The following DTHD1 variants were observed in gnomAD, a reference collection of about 807,000 sequenced individuals.
DTHD1 encodes the protein death domain-containing protein 1.
In DTHD1, 59 loss-of-function variants were observed where a neutral mutation model predicts 74.8. The observed-to-expected ratio is 0.79, with a 90% CI of 0.64 to 0.98. The LOEUF is 0.98. Among genes scored for constraint, DTHD1 ranks in the 50% least tolerant of loss-of-function variants. The pLI is 0.00. For missense variants in DTHD1, 1,051 were observed against 1,065.4 expected (o/e 0.99, Z 0.19); for synonymous variants, 365 against 371.1 (o/e 0.98, Z 0.19).
At chr4:36,283,793 C>T in intron 1 of DTHD1, 183 bp from the exon 2 acceptor site, 1 of 581,474 alleles carries the variant, frequency 1.7e-6, no homozygotes, top group East Asian at 2.8e-5. Context: ...GTCAATCCTA[C>T]AATTGTTAAA....
chr4:36,317,821 T>G (rs1352498263), intron 8 of DTHD1, among the ~76,000 whole-genome samples: 1 of 152,220 alleles, frequency 6.6e-6, no homozygotes, highest in Non-Finnish European at 1.5e-5. Flanking sequence ...GGGAAATGGC[T>G]TTTTTATAAT....
chr4:36,287,702 T>C (rs1755793786), intron 2 of DTHD1, among the ~76,000 whole-genome samples: 1 of 152,234 alleles, frequency 6.6e-6, no homozygotes, highest in Non-Finnish European at 1.5e-5. Flanking sequence ...TGGTATTGCA[T>C]AGTGATTTTG....
rs111371105 is a variant in DTHD1, at chr4:36,344,691, T to C, written c.*867T>C. Reference sequence around the variant, plus strand: ...AATTCCAAAAGAGAGGAGGGTATTATGGAGTCATGTCCAACCTCCCCTTCC... The same window carrying C: ...AATTCCAAAAGAGAGGAGGGTATTACGGAGTCATGTCCAACCTCCCCTTCC... On this transcript the variant is annotated 3_prime_UTR_variant, in exon 10 of 10. Coordinates refer to ENST00000639862, the MANE Select transcript of DTHD1 (RefSeq NM_001170700.3). 1.3e-5 allele frequency: 2 copies of C among 152,340 alleles called. No homozygotes were observed. The highest frequency in any genetic ancestry group is 2.1e-4 in the South Asian group (1 of 4,830). 9.4% of individuals were successfully genotyped at this position (152,340 alleles called of 1,614,324 possible).
intron 7 of DTHD1, among the ~76,000 whole-genome samples, chr4:36,309,840 AATG>A (rs1364073282): frequency 2.6e-5 from 4 of 152,164 alleles, no homozygotes; most frequent in African/African-American, 9.7e-5. Flanking sequence ...ATATCTAGAG[AATG>A]ATTTCAACAA....
chr4:36,297,165 G>T lies in DTHD1; in HGVS notation c.1643+2126G>T, dbSNP rs1756472335. Reference sequence around the variant, plus strand: ...CTGAGGAGGAGGAAGAGGAGGGGTTGGTCTTGCTGTCTCAGGAGTGGCAGA... The same window carrying T: ...CTGAGGAGGAGGAAGAGGAGGGGTTTGTCTTGCTGTCTCAGGAGTGGCAGA... On this transcript the variant is annotated intron_variant, in intron 5 of 9. Transcript: ENST00000639862. Among the ~76,000 whole-genome samples the T allele has an allele frequency of 2.0e-5, 3 of 152,160 alleles. No homozygotes were observed. In the South Asian group the frequency reaches 6.2e-4, roughly 32 times the overall value.
intron 5 of DTHD1, among the ~76,000 whole-genome samples, chr4:36,299,411 G>A (rs1395558873): frequency 6.6e-6 from 1 of 152,130 alleles, no homozygotes; most frequent in African/African-American, 2.4e-5. Context: ...ATAACTTTAT[G>A]GGTGATCTGC....
rs193294438 is a variant in DTHD1 at position 36,310,574 on chromosome 4, C to T, written c.2095+2081C>T. Among the ~76,000 whole-genome samples the T allele has an allele frequency of 4.0e-5, 6 of 151,788 alleles. No homozygotes were observed. In the East Asian group the frequency reaches 5.8e-4, roughly 15 times the overall value. ...ATACTTTACTTGAGGGGATGTGCTC[C>T]GTTTACTTATAAATTAATATGGATC... On this transcript the variant is annotated intron_variant, in intron 7 of 9. Transcript: ENST00000639862.
intron 9 of DTHD1, among the ~76,000 whole-genome samples, chr4:36,340,542 A>C (rs544411910): frequency 6.6e-6 from 1 of 152,332 alleles, no homozygotes; most frequent in Admixed American, 6.5e-5. Flanking sequence ...TGCTCAGCTG[A>C]GTGGCTGCAT....
intron 7 of DTHD1, among the ~76,000 whole-genome samples, chr4:36,312,689 G>A (rs904412970): frequency 3.9e-5 from 6 of 152,252 alleles, no homozygotes; most frequent in Admixed American, 1.3e-4. Context: ...GAACTCGGTG[G>A]CAACTTGCCT....
In DTHD1 at chr4:36,346,835, A is replaced by G. The variant is rs1560827586; in HGVS notation, c.*3011A>G. ...CTCTCAAGAAGGCCACCTCTAGCCA[A>G]CTCTCTCCTGTGCTTTGGTAACTGG... On this transcript the variant is annotated 3_prime_UTR_variant, in exon 10 of 10. Transcript: ENST00000639862. Among the ~76,000 whole-genome samples the G allele has an allele frequency of 1.3e-5, 2 of 151,198 alleles. No individual in the cohort carries two copies. The highest frequency in any genetic ancestry group is 4.9e-5 in the African/African-American group (2 of 41,078).
chr4:36,300,610 C>T (rs1412442093), intron 5 of DTHD1, among the ~76,000 whole-genome samples: 2 of 142,874 alleles, frequency 1.4e-5, no homozygotes, highest in Non-Finnish European at 3.1e-5. Flanking sequence ...GCACATTTAT[C>T]AAGATCTCGC....
chr4:36,342,654 C>CGT (rs776186233), intron 9 of DTHD1, among the ~76,000 whole-genome samples: 6 of 151,464 alleles, frequency 4.0e-5, no homozygotes, highest in Non-Finnish European at 7.4e-5. Flanking sequence ...TGTATGTCTG[C>CGT]GTGTGTGTGT....
chr4:36,310,059 C>CT (rs1307931704), intron 7 of DTHD1, among the ~76,000 whole-genome samples: 1 of 152,168 alleles, frequency 6.6e-6, no homozygotes, highest in Non-Finnish European at 1.5e-5. Context: ...GCATGGTATT[C>CT]CATGGTGTAT....
At position 36,347,411 on chromosome 4, in the gene DTHD1, G is replaced by A. The variant is rs1224472839; in HGVS notation, c.*3587G>A. 3.3e-5 allele frequency among the ~76,000 whole-genome samples: 5 copies of A among 152,040 alleles called. No homozygotes were observed. The highest frequency in any genetic ancestry group is 2.6e-4 in the Admixed American group (4 of 15,270). ...TTAAAATTTTCATATCAATTAGACT[G>A]TAGTCCCAATATATACCTAAGAGCA... On this transcript the variant is annotated 3_prime_UTR_variant, in exon 10 of 10. Transcript: ENST00000639862.
rs183259980 is a variant in DTHD1 at position 36,329,535 on chromosome 4, C to G, written c.2341-9577C>G. 5.9e-5 allele frequency among the ~76,000 whole-genome samples: 9 copies of G among 152,254 alleles called. No homozygotes were observed. The East Asian group carries it at 1.7e-3, about 29-fold the overall frequency. On this transcript the variant is annotated intron_variant, in intron 8 of 9. Transcript: ENST00000639862. Reference sequence around the variant, plus strand: ...TTGTTTATGACTTATCATTCATACCCCCTAAAATGTTATCTGTACAGTTTT... The same window carrying G: ...TTGTTTATGACTTATCATTCATACCGCCTAAAATGTTATCTGTACAGTTTT...
At chr4:36,337,311 C>G (rs1759067021) in intron 8 of DTHD1, among the ~76,000 whole-genome samples, 1 of 152,132 alleles carries the variant, frequency 6.6e-6, no homozygotes, top group African/African-American at 2.4e-5. Context: ...TTCACTGCTT[C>G]TATGGTTGTG....
intron 7 of DTHD1, among the ~76,000 whole-genome samples, chr4:36,310,709 C>T (rs1208310397): frequency 1.3e-5 from 2 of 152,060 alleles, no homozygotes; most frequent in Non-Finnish European, 2.9e-5. Context: ...CTGATGCTGC[C>T]CTCCCAGCTT....
chr4:36,283,979 T>A lies in DTHD1; in HGVS notation c.275T>A (p.Ile92Asn). The A allele has an allele frequency of 6.5e-7, 1 of 1,527,682 alleles. No homozygotes were observed. The highest frequency in any genetic ancestry group is 8.8e-7 in the Non-Finnish European group (1 of 1,139,204). 94.6% of individuals were successfully genotyped at this position (1,527,682 alleles called of 1,614,324 possible). A position where few individuals can be genotyped will look rare whatever the true frequency, so the allele number is the denominator to read the frequency against. ...GTGTCCATGTATGTGTGTGTAGAAA[T>A]CATTACTTTCATAGACTGCCTCATA... ...KENQCVSRKEIITFIDCLIKI... is the reference protein window; with the variant it reads ...KENQCVSRKENITFIDCLIKI... The change falls in exon 2 of 10, where the codon ATC (isoleucine) becomes AAC (asparagine). Residue 92 changes from isoleucine (I) to asparagine (N), a missense_variant. Transcript: ENST00000639862.
At chr4:36,328,376 T>C (rs1758471260) in intron 8 of DTHD1, among the ~76,000 whole-genome samples, 1 of 152,228 alleles carries the variant, frequency 6.6e-6, no homozygotes, top group Admixed American at 6.5e-5. Flanking sequence ...AGTTCTACAC[T>C]GTGTAATTAT....
Sources: allele counts gnomAD v4.1 joint callset (sites outside exome capture counted in the v4.1 genomes callset), GRCh38; gene constraint gnomAD v4.1.1; transcripts MANE v1.5; gene names NCBI Gene and HGNC (gene_info 2026-07-23, HGNC 2026-07-21).